The following KMT2C variants were observed in gnomAD, a reference collection of about 807,000 sequenced individuals.
KMT2C encodes the protein lysine methyltransferase 2C.
A neutral mutation model predicts 507.9 loss-of-function variants in KMT2C; 88 were observed. The observed-to-expected ratio is 0.17, with a 90% CI of 0.15 to 0.21. The LOEUF (loss-of-function observed/expected upper bound fraction) is 0.21. KMT2C is among the 10% of genes least tolerant of loss of function. KMT2C has a pLI of 1.00. For missense variants in KMT2C, 4,954 were observed against 5,957.8 expected, an observed-to-expected ratio of 0.83 and a Z score of 5.55; for synonymous variants, 2,049 against 2,080.8, an observed-to-expected ratio of 0.98 and a Z score of 0.42.
chr7:152,413,050 G>A (rs2097698756), intron 1 of KMT2C, among the ~76,000 whole-genome samples: 1 of 152,052 alleles, frequency 6.6e-6, no homozygotes, highest in Non-Finnish European at 1.5e-5. Flanking sequence ...GACAGACTAA[G>A]AACAAACTCT....
intron 1 of KMT2C, among the ~76,000 whole-genome samples, chr7:152,415,873 CA>C (rs2097730230): frequency 1.3e-5 from 2 of 149,454 alleles, no homozygotes; most frequent in African/African-American, 4.9e-5. Context: ...GTGTAAGACT[CA>C]GGTCTCAAAG....
intron 1 of KMT2C, among the ~76,000 whole-genome samples, chr7:152,381,919 T>A (rs1197312051): frequency 3.3e-5 from 5 of 152,188 alleles, no homozygotes; most frequent in African/African-American, 1.2e-4. Flanking sequence ...TGAAATATTT[T>A]ACTAACTGGT....
At position 152,199,265 on chromosome 7, in the gene KMT2C, A is replaced by C. The variant is rs10487890; in HGVS notation, c.4273+14T>G. 7.6e-3 allele frequency: 11,813 copies of C among 1,562,964 alleles called. 801 individuals are homozygous for C. The African/African-American group carries it at 0.15, about 19-fold the overall frequency. ...TATGATATAAAGAAAATATCTGTGA[A>C]TAATTCTACATACCGTGAGTTCCAG... On this transcript the variant is annotated intron_variant, in intron 27 of 58. Coordinates refer to ENST00000262189, the MANE Select transcript of KMT2C (RefSeq NM_170606.3).
chr7:152,216,752 C>T (rs979482059), intron 23 of KMT2C, among the ~76,000 whole-genome samples: 1 of 152,198 alleles, frequency 6.6e-6, no homozygotes, highest in African/African-American at 2.4e-5. Context: ...ATTACCCCAA[C>T]ACAGGCATAA....
At position 152,435,791 on chromosome 7, in the gene KMT2C, G is replaced by A. The variant is rs745398795; in HGVS notation, c.-5C>T. 1 of 1,350,582 alleles carries A rather than the reference G, an allele frequency of 7.4e-7. No individual in the cohort carries two copies. The highest frequency in any genetic ancestry group is 1.6e-5 in the South Asian group (1 of 64,502). 83.7% of individuals were successfully genotyped at this position (1,350,582 alleles called of 1,614,324 possible). A position where few individuals can be genotyped will look rare whatever the true frequency, so the allele number is the denominator to read the frequency against. On this transcript the variant is annotated 5_prime_UTR_variant, in exon 1 of 59. Transcript: ENST00000262189. ...CTTGTCCTCCTCCGACGACATCCTAGTCACCAGGAAAGACACATGGATCCC... is the reference window on the plus strand; with the variant it reads ...CTTGTCCTCCTCCGACGACATCCTAATCACCAGGAAAGACACATGGATCCC...
Position 152,138,997 on chromosome 7 carries a change from T to C in KMT2C, c.14535-93A>G. ...TATTGATAAAGCAGTTTTTGCTAATTAAATTTCTATTTGCCCATTGTTAGA... is the reference window on the plus strand; with the variant it reads ...TATTGATAAAGCAGTTTTTGCTAATCAAATTTCTATTTGCCCATTGTTAGA... On this transcript the variant is annotated intron_variant, in intron 57 of 58. Coordinates refer to ENST00000262189, the MANE Select transcript of KMT2C (RefSeq NM_170606.3). This position sits in a 1 kb window ranked among gnomAD's most constrained non-coding sequence, Gnocchi z 4.2. 9.2e-7 allele frequency: 1 copy of C among 1,089,276 alleles called. No individual in the cohort carries two copies. The highest frequency in any genetic ancestry group is 1.3e-5 in the South Asian group (1 of 76,610). 67.5% of individuals were successfully genotyped at this position (1,089,276 alleles called of 1,614,324 possible). A position where few individuals can be genotyped will look rare whatever the true frequency, so the allele number is the denominator to read the frequency against.
At chr7:152,310,126 AAAGCT>A (rs1267423055) in intron 5 of KMT2C, 51 bp from the exon 6 acceptor site, 1 of 1,203,176 alleles carries the variant, frequency 8.3e-7, no homozygotes. Context: ...TAAAAAAATT[AAAGCT>A]AATAAATAAA....
chr7:152,152,721 A>C lies in KMT2C; in HGVS notation c.12510T>G (p.Phe4170Leu). The change falls in exon 49 of 59, where the codon TTT (phenylalanine) becomes TTG (leucine). Residue 4170 changes from phenylalanine (F) to leucine (L), a missense_variant. By Grantham distance (22) the Phe-to-Leu change is conservative. Coordinates refer to ENST00000262189, the MANE Select transcript of KMT2C (RefSeq NM_170606.3). ...SYRLKQPNVP[F>L]PPTSNGLSGY... ...CTAGCTCACCATTGCTTGTTGGAGG[A>C]AATGGTACATTAGGCTGCTTCAGCC... 6.2e-7 allele frequency: 1 copy of C among 1,614,122 alleles called. No individual in the cohort carries two copies. Among genetic ancestry groups the C allele is most frequent in the Non-Finnish European group, 8.5e-7 (1 of 1,179,970 alleles).
intron 13 of KMT2C, among the ~76,000 whole-genome samples, chr7:152,249,355 A>G (rs943245786): frequency 7.6e-6 from 1 of 131,482 alleles, no homozygotes; most frequent in African/African-American, 2.9e-5. Context: ...ACAGGGTCTC[A>G]CTCTGTGACC....
intron 3 of KMT2C, among the ~76,000 whole-genome samples, chr7:152,329,589 A>G (rs2096861095): frequency 6.6e-6 from 1 of 151,002 alleles, no homozygotes; most frequent in African/African-American, 2.4e-5. Context: ...AAAAAAAAAG[A>G]AAGGAAAGGA....
chr7:152,364,121 G>A (rs1563997807), intron 1 of KMT2C, among the ~76,000 whole-genome samples: 1 of 152,100 alleles, frequency 6.6e-6, no homozygotes. Context: ...GAGTGACTCT[G>A]TATGAAAAAA....
chr7:152,248,341 G>A lies in KMT2C; in HGVS notation c.2093C>T (p.Thr698Ile), dbSNP rs764211019. ...ACTTTCCTCATGTGGGGACACTAAGGTTTCTAGTGGAAGAGTGACAGATTC... is the reference window on the plus strand; with the variant it reads ...ACTTTCCTCATGTGGGGACACTAAGATTTCTAGTGGAAGAGTGACAGATTC... The part of the protein sequence containing the change: ...VMESVTLPLE[T>I]LVSPHEESIS... Residue 698 changes from threonine to isoleucine, a missense_variant, in exon 14 of 59, where the codon ACC (threonine) becomes ATC (isoleucine). Transcript: ENST00000262189. The A allele has an allele frequency of 6.2e-7, 1 of 1,613,802 alleles. No individual in the cohort carries two copies. The highest frequency in any genetic ancestry group is 8.5e-7 in the Non-Finnish European group (1 of 1,179,838).
At chr7:152,392,914 G>T (rs539847685) in intron 1 of KMT2C, among the ~76,000 whole-genome samples, 1 of 152,194 alleles carries the variant, frequency 6.6e-6, no homozygotes. Context: ...GGGCAACATA[G>T]TGATATCTTG....
chr7:152,231,599 G>A (rs558516534), intron 16 of KMT2C, among the ~76,000 whole-genome samples: 14 of 152,262 alleles, frequency 9.2e-5, no homozygotes, highest in Non-Finnish European at 1.9e-4. Flanking sequence ...TGGGCAACAC[G>A]GTGAAATCCT....
At chr7:152,246,170 C>A (rs1459341719) in intron 14 of KMT2C, among the ~76,000 whole-genome samples, 2 of 152,194 alleles carry the variant, frequency 1.3e-5, no homozygotes, top group African/African-American at 4.8e-5. Context: ...TCAATTCATA[C>A]TCTCCCTAAT....
chr7:152,322,127 G>A (rs2096778395), intron 3 of KMT2C, among the ~76,000 whole-genome samples: 1 of 151,380 alleles, frequency 6.6e-6, no homozygotes, highest in Admixed American at 6.6e-5. Context: ...ACTTGGGTAG[G>A]CTGAGGCAGG....
intron 2 of KMT2C, among the ~76,000 whole-genome samples, chr7:152,354,525 C>A (rs1329859522): frequency 6.6e-6 from 1 of 152,060 alleles, no homozygotes; most frequent in Non-Finnish European, 1.5e-5. Flanking sequence ...CTGTTACGTA[C>A]TAGGAGAAAA....
chr7:152,223,092 T>A (rs1346338255), intron 20 of KMT2C, among the ~76,000 whole-genome samples: 1 of 152,218 alleles, frequency 6.6e-6, no homozygotes, highest in African/African-American at 2.4e-5. Flanking sequence ...CGATGTTGAA[T>A]GGTAATCGGG....
intron 1 of KMT2C, among the ~76,000 whole-genome samples, chr7:152,413,273 G>A (rs1381014585): frequency 6.6e-6 from 1 of 151,892 alleles, no homozygotes; most frequent in Non-Finnish European, 1.5e-5. Context: ...GGCCACCATA[G>A]CTGGATAATT....
Sources: allele counts gnomAD v4.1 joint callset (sites outside exome capture counted in the v4.1 genomes callset), GRCh38; gene constraint gnomAD v4.1.1; non-coding constraint Gnocchi (gnomAD v3.1); transcripts MANE v1.5; gene names NCBI Gene and HGNC (gene_info 2026-07-23, HGNC 2026-07-21).